The following AMPH variants were observed in gnomAD, a reference collection of about 807,000 sequenced individuals.
AMPH encodes amphiphysin (Stiff-Mann syndrome with breast cancer 128kD autoantigen).
AMPH carries 49 observed loss-of-function variants against 99.1 expected under a neutral mutation model. The observed-to-expected ratio is 0.49, with a 90% CI of 0.39 to 0.63. AMPH has a LOEUF of 0.63. Ranked by LOEUF, AMPH falls within the 20% of genes least tolerant of loss-of-function variation. The pLI, the probability that AMPH is intolerant of heterozygous loss-of-function variation, is 0.00. For synonymous variants in AMPH, 314 were observed against 317.3 expected (o/e 0.99, Z 0.11); for missense variants, 759 against 863.4 (o/e 0.88, Z 1.52).
At chr7:38,471,242 G>T (rs6969360) in intron 7 of AMPH, among the ~76,000 whole-genome samples, 22,534 of 151,992 alleles carry the variant, frequency 0.15, 3,077 homozygotes, top group African/African-American at 0.36. Flanking sequence ...CAACCCACAG[G>T]CCTTTATTCA....
intron 17 of AMPH, 23 bp downstream of exon 17, chr7:38,417,802 G>C: frequency 3.7e-6 from 6 of 1,612,618 alleles, no homozygotes; most frequent in Non-Finnish European, 5.1e-6. Flanking sequence ...GCAGATGGAG[G>C]GTGAGAGGGA....
chr7:38,602,036 A>G (rs1793263100), intron 1 of AMPH, among the ~76,000 whole-genome samples: 1 of 152,230 alleles, frequency 6.6e-6, no homozygotes, highest in South Asian at 2.1e-4. Flanking sequence ...TAAGGAAGGC[A>G]GCAAATAAAA....
At chr7:38,630,151 C>T (rs531044212) in intron 1 of AMPH, among the ~76,000 whole-genome samples, 3 of 152,318 alleles carry the variant, frequency 2.0e-5, no homozygotes, top group African/African-American at 7.2e-5. Flanking sequence ...CAGGAAAACG[C>T]TAAACACCCC....
chr7:38,571,110 A>ATATTGAATATATATATTCATG (rs1791971118), intron 1 of AMPH, among the ~76,000 whole-genome samples: 46 of 69,552 alleles, frequency 6.6e-4, no homozygotes, highest in East Asian at 7.7e-4. Context: ...ATATATTCAT[A>ATATTGAATATATATATTCATG]TATACAGTAT....
At chr7:38,555,774 G>T (rs946177335) in intron 1 of AMPH, among the ~76,000 whole-genome samples, 3 of 151,942 alleles carry the variant, frequency 2.0e-5, no homozygotes, top group Non-Finnish European at 4.4e-5. Context: ...TCAAATTATG[G>T]GTTTTCCCAC....
chr7:38,629,301 A>T (rs1794372137), intron 1 of AMPH, among the ~76,000 whole-genome samples: 1 of 152,150 alleles, frequency 6.6e-6, no homozygotes, highest in South Asian at 2.1e-4. Context: ...CCTGGGGAAG[A>T]GCCTATACTC....
At chr7:38,522,342 T>C (rs1789997849) in intron 2 of AMPH, among the ~76,000 whole-genome samples, 1 of 152,192 alleles carries the variant, frequency 6.6e-6, no homozygotes, top group Non-Finnish European at 1.5e-5. Context: ...TTATAGCCCA[T>C]GGGTCAAATT....
At chr7:38,501,766 CAAATAAATAAATAAATAAATAAAT>C (rs3056240) in intron 3 of AMPH, among the ~76,000 whole-genome samples, 1 of 148,074 alleles carries the variant, frequency 6.8e-6, no homozygotes, top group African/African-American at 2.5e-5. Context: ...AAAAGCATAC[CAAATAAATAAATAAATAAATAAAT>C]AAATAAATAA....
chr7:38,537,858 A>C (rs1337192546), intron 1 of AMPH, among the ~76,000 whole-genome samples: 1 of 152,206 alleles, frequency 6.6e-6, no homozygotes, highest in Non-Finnish European at 1.5e-5. Context: ...GCTCTCAAAA[A>C]GGCAAAGATA....
chr7:38,617,008 G>C (rs17415529), intron 1 of AMPH, among the ~76,000 whole-genome samples: 6,807 of 152,268 alleles, frequency 0.045, 201 homozygotes, highest in Admixed American at 0.082. Context: ...TGTAGATATA[G>C]ATTTTGATTT....
intron 5 of AMPH, among the ~76,000 whole-genome samples, chr7:38,483,711 G>C (rs1423486512): frequency 6.6e-6 from 1 of 152,134 alleles, no homozygotes; most frequent in African/African-American, 2.4e-5. Context: ...AGAGGTGGCT[G>C]TTTTGTCTAA....
chr7:38,627,654 C>CA (rs34354956), intron 1 of AMPH, among the ~76,000 whole-genome samples: 68,615 of 96,948 alleles, frequency 0.71, 24,144 homozygotes, highest in Non-Finnish European at 0.75. Flanking sequence ...GACTCTGTCT[C>CA]AAAAAAAAAA....
At chr7:38,588,105 C>G (rs975817828) in intron 1 of AMPH, among the ~76,000 whole-genome samples, 20 of 151,974 alleles carry the variant, frequency 1.3e-4, no homozygotes, top group African/African-American at 4.8e-4. Context: ...TGTGCGCCAC[C>G]TCACCTGGCT....
intron 1 of AMPH, among the ~76,000 whole-genome samples, chr7:38,618,905 G>A (rs1448148889): frequency 6.6e-6 from 1 of 152,158 alleles, no homozygotes; most frequent in Admixed American, 6.5e-5. Flanking sequence ...AATGTAAATA[G>A]ACTTAATACT....
Position 38,572,827 on chromosome 7 carries a change from C to T in AMPH, c.70-37816G>A, listed in dbSNP as rs547206459. 5.3e-5 allele frequency among the ~76,000 whole-genome samples: 8 copies of T among 152,252 alleles called. No homozygotes were observed. The South Asian group carries it at 1.7e-3, about 32-fold the overall frequency. Reference sequence around the variant, plus strand: ...ACCAACAGGGAGTGTGGGATAGGAACAGCCTGCAGTGTCCATCCCACCCCC... The same window carrying T: ...ACCAACAGGGAGTGTGGGATAGGAATAGCCTGCAGTGTCCATCCCACCCCC... On this transcript the variant is annotated intron_variant, in intron 1 of 20. Coordinates refer to ENST00000356264, the MANE Select transcript of AMPH (RefSeq NM_001635.4).
chr7:38,470,759 A>C (rs17500486), intron 7 of AMPH, among the ~76,000 whole-genome samples: 3,437 of 152,122 alleles, frequency 0.023, 51 homozygotes, highest in Non-Finnish European at 0.033. Flanking sequence ...TATCTTTTTG[A>C]ATTTCCTAAT....
At chr7:38,582,119 C>A (rs541695846) in intron 1 of AMPH, among the ~76,000 whole-genome samples, 5 of 152,174 alleles carry the variant, frequency 3.3e-5, no homozygotes, top group Admixed American at 1.3e-4. Flanking sequence ...AAGCCCGAAG[C>A]CTGAGCCATG....
intron 20 of AMPH, among the ~76,000 whole-genome samples, chr7:38,385,814 C>T (rs1164567398): frequency 6.6e-6 from 1 of 152,074 alleles, no homozygotes; most frequent in East Asian, 1.9e-4. Flanking sequence ...TGAAGTTAAG[C>T]AGAGTCTAGC....
intron 1 of AMPH, among the ~76,000 whole-genome samples, chr7:38,608,143 G>C (rs1793499462): frequency 6.6e-6 from 1 of 152,114 alleles, no homozygotes; most frequent in Non-Finnish European, 1.5e-5. Flanking sequence ...TGGCCCTTCA[G>C]AGATTTTCTG....
Sources: allele counts gnomAD v4.1 joint callset (sites outside exome capture counted in the v4.1 genomes callset), GRCh38; gene constraint gnomAD v4.1.1; transcripts MANE v1.5; gene names NCBI Gene and HGNC (gene_info 2026-07-23, HGNC 2026-07-21).